Variants in SLC3A1 observed in about 807,000 individuals in gnomAD.
The protein encoded by SLC3A1 is amino acid transporter heavy chain SLC3A1.
Under a neutral mutation model 60.3 loss-of-function variants are expected in SLC3A1, and 78 were observed. The observed-to-expected ratio is 1.29, with a 90% CI of 1.08 to 1.56. The LOEUF (loss-of-function observed/expected upper bound fraction) is 1.56. Ranked by LOEUF, SLC3A1 falls within the 40% of genes most tolerant of loss-of-function variation. The pLI is 0.00. For missense variants in SLC3A1, 1,172 were observed against 858.9 expected (o/e 1.36, Z -4.56); for synonymous variants, 392 against 307.9 (o/e 1.27, Z -2.86).
In SLC3A1 at chr2:44,300,029, A is replaced by G; in HGVS notation, c.950A>G (p.Lys317Arg). Reference sequence around the variant, plus strand: ...GATGGTTTTAGTTTGGATGCTGTTAAATTCCTCCTAGAAGCAAAGCACCTG... The same window carrying G: ...GATGGTTTTAGTTTGGATGCTGTTAGATTCCTCCTAGAAGCAAAGCACCTG... ...GVDGFSLDAV[K>R]FLLEAKHLRD... is the part of the protein sequence containing the mutation. Residue 317 changes from lysine to arginine, a missense_variant, in exon 5 of 10, where the codon AAA becomes AGA. Lys to Arg is a conservative substitution (Grantham distance 26). Transcript: ENST00000260649. 2 of 1,613,872 alleles carry G rather than the reference A, an allele frequency of 1.2e-6. No individual in the cohort carries two copies. Among genetic ancestry groups the G allele is most frequent in the Non-Finnish European group, 1.7e-6 (2 of 1,179,752 alleles).
chr2:44,309,295 G>A (rs1215400420), intron 7 of SLC3A1, among the ~76,000 whole-genome samples: 5 of 152,048 alleles, frequency 3.3e-5, no homozygotes, highest in Admixed American at 6.5e-5. Flanking sequence ...CCTCATATAA[G>A]TGGAATCATA....
At chr2:44,300,944 C>A in intron 5 of SLC3A1, 59 bp from the exon 6 acceptor site, 1 of 1,607,966 alleles carries the variant, frequency 6.2e-7, no homozygotes, top group South Asian at 1.1e-5. Flanking sequence ...TCATATAGAG[C>A]GAGCTGTGGG....
rs767801148 is a variant in SLC3A1, at chr2:44,313,933, CCA to C, written c.1603_1604del (p.Thr535CysfsTer4). Reference protein sequence around the residue: ...NTWLPTNSDYHTVNVDVQKTQ... With the variant: ...NTWLPTNSDYXTVNVDVQKTQ... Reference sequence around the variant, plus strand: ...CCTGGTTACCTACCAATTCAGATTACCACACTGTGAATGTTGATGTAAGTATC... The same window carrying C: ...CCTGGTTACCTACCAATTCAGATTACCACTGTGAATGTTGATGTAAGTATC... On this transcript the variant is annotated frameshift_variant, in exon 9 of 10. Transcript: ENST00000260649. LOFTEE classifies it low-confidence loss of function (END_TRUNC). 6.8e-6 allele frequency: 11 copies of C among 1,613,918 alleles called. No individual in the cohort carries two copies. The highest frequency in any genetic ancestry group is 9.3e-6 in the Non-Finnish European group (11 of 1,179,968).
At chr2:44,294,989 C>A (rs1176546338) in intron 4 of SLC3A1, among the ~76,000 whole-genome samples, 1 of 152,068 alleles carries the variant, frequency 6.6e-6, no homozygotes, top group Non-Finnish European at 1.5e-5. Flanking sequence ...AGTGATCCTC[C>A]CACCTCGGTC....
chr2:44,309,549 A>C (rs935724183), intron 7 of SLC3A1, among the ~76,000 whole-genome samples: 8 of 152,108 alleles, frequency 5.3e-5, no homozygotes, highest in African/African-American at 1.4e-4. Flanking sequence ...CCCAGATTTC[A>C]ATTCTTTTGG....
intron 8 of SLC3A1, 27 bp from the exon 9 acceptor site, chr2:44,313,808 T>C (rs771372303): frequency 1.9e-6 from 3 of 1,546,924 alleles, no homozygotes; most frequent in South Asian, 2.2e-5. Flanking sequence ...CAAACCACTG[T>C]TTTCCCTTTC....
chr2:44,287,190 T>C (rs1162007307), intron 4 of SLC3A1, among the ~76,000 whole-genome samples: 1 of 152,014 alleles, frequency 6.6e-6, no homozygotes, highest in African/African-American at 2.4e-5. Context: ...AGCCACTAAA[T>C]ATATATATGT....
In SLC3A1 at chr2:44,304,164, T is replaced by C; in HGVS notation, c.1158T>C (p.Tyr386=). ...GRYRFMGTEA[Y]AESIDRTVMY... ...ATAGGTTCATGGGGACTGAAGCCTA[T>C]GCAGAGAGTATTGACAGGACCGTGA... The change falls in exon 7 of 10, where the codon TAT becomes TAC. Residue 386 remains tyrosine (Y), a synonymous_variant. Transcript: ENST00000260649. 6.2e-7 allele frequency: 1 copy of C among 1,614,162 alleles called. No homozygotes were observed. Among genetic ancestry groups the C allele is most frequent in the Non-Finnish European group, 8.5e-7 (1 of 1,179,970 alleles).
At chr2:44,279,722 A>C (rs1162110495) in intron 1 of SLC3A1, among the ~76,000 whole-genome samples, 3 of 152,164 alleles carry the variant, frequency 2.0e-5, no homozygotes, top group Non-Finnish European at 4.4e-5. Context: ...AAATATATAC[A>C]TATTGTTATT....
chr2:44,276,453 G>A (rs963875318), intron 1 of SLC3A1, among the ~76,000 whole-genome samples: 3 of 152,118 alleles, frequency 2.0e-5, no homozygotes, highest in African/African-American at 4.8e-5. Context: ...TATAGGCTGA[G>A]TCTTAAAGTT....
In SLC3A1 at chr2:44,296,975, T is replaced by TC. The variant is rs201645127; in HGVS notation, c.892-2992dup. ...CGCCTTCTGCCATGATTGTGAGGCC[T>TC]CCCCAGCCCTGTGAAACTGTGAGTC... On this transcript the variant is annotated intron_variant, in intron 4 of 9. Coordinates refer to ENST00000260649, the MANE Select transcript of SLC3A1 (RefSeq NM_000341.4). Among the ~76,000 whole-genome samples, 57 of 152,260 alleles carry TC rather than the reference T, an allele frequency of 3.7e-4. 2 individuals are homozygous for TC. The East Asian group carries it at 0.01, about 27-fold the overall frequency.
chr2:44,286,280 A>G (rs780851302), intron 4 of SLC3A1, 123 bp downstream of exon 4: 11 of 931,860 alleles, frequency 1.2e-5, no homozygotes, highest in Non-Finnish European at 1.9e-5. Context: ...GAAATACTCT[A>G]TAGTTATTTG....
In SLC3A1 at chr2:44,320,643, C is replaced by T. The variant is rs777174361; in HGVS notation, c.*4C>T. Reference sequence around the variant, plus strand: ...CATACTGTATACCTCGTGTTAGGCACCTTTATGAAGAGATGAAGACACTGG... The same window carrying T: ...CATACTGTATACCTCGTGTTAGGCATCTTTATGAAGAGATGAAGACACTGG... On this transcript the variant is annotated 3_prime_UTR_variant, in exon 10 of 10. Coordinates refer to ENST00000260649, the MANE Select transcript of SLC3A1 (RefSeq NM_000341.4). 24 of 1,611,378 alleles carry T rather than the reference C, an allele frequency of 1.5e-5. 2 individuals are homozygous for T. The South Asian group carries it at 2.4e-4, about 16-fold the overall frequency.
chr2:44,300,681 C>T (rs1051431949), intron 5 of SLC3A1, among the ~76,000 whole-genome samples: 4 of 152,100 alleles, frequency 2.6e-5, no homozygotes, highest in African/African-American at 9.7e-5. Flanking sequence ...TCTATAACCA[C>T]TAAGATCTTT....
intron 6 of SLC3A1, among the ~76,000 whole-genome samples, chr2:44,303,623 T>C (rs1056810022): frequency 2.0e-5 from 3 of 152,028 alleles, no homozygotes; most frequent in Admixed American, 6.6e-5. Flanking sequence ...GGTACATGTG[T>C]ACAACATGCA....
chr2:44,294,131 G>A (rs1020548018), intron 4 of SLC3A1, among the ~76,000 whole-genome samples: 2 of 152,064 alleles, frequency 1.3e-5, no homozygotes, highest in African/African-American at 2.4e-5. Flanking sequence ...AGGGTATAAC[G>A]GAGCTAAGGT....
chr2:44,281,023 CTTCT>C (rs747429909), intron 2 of SLC3A1, 128 bp downstream of exon 2: 19 of 782,758 alleles, frequency 2.4e-5, no homozygotes, highest in South Asian at 3.3e-5. Flanking sequence ...CCCTCCCTTC[CTTCT>C]TTCTTTCCTT....
intron 4 of SLC3A1, among the ~76,000 whole-genome samples, chr2:44,298,461 C>T (rs1040949973): frequency 2.0e-5 from 3 of 152,096 alleles, no homozygotes; most frequent in African/African-American, 7.2e-5. Flanking sequence ...TCACTGCAAC[C>T]TCCGATTTTT....
intron 9 of SLC3A1, chr2:44,319,709 G>T (rs1672761447): frequency 6.5e-6 from 1 of 153,540 alleles, no homozygotes; most frequent in Admixed American, 6.4e-5. Context: ...TCTATTAGCT[G>T]TGCAAGAAAT....
Sources: gnomAD v4.1 joint callset for allele counts (sites outside exome capture counted in the v4.1 genomes callset) on GRCh38, gnomAD v4.1.1 for gene constraint, MANE v1.5 for transcripts, NCBI Gene and HGNC (gene_info 2026-07-23, HGNC 2026-07-21) for gene names.